PRKCE: variants seen among roughly 807,000 people sequenced by gnomAD.
The protein encoded by PRKCE is protein kinase C epsilon, also known as protein kinase C epsilon type.
A neutral mutation model predicts 85.4 loss-of-function variants in PRKCE; 16 were observed. The observed-to-expected ratio is 0.19, with a 90% CI of 0.13 to 0.28. The LOEUF (loss-of-function observed/expected upper bound fraction) is 0.28, where lower values mean the gene tolerates loss of function less well. Among genes scored for constraint, PRKCE ranks in the 10% least tolerant of loss-of-function variants. The pLI is 1.00. For missense variants in PRKCE, 573 were observed against 975.2 expected, an observed-to-expected ratio of 0.59 and a Z score of 5.49; for synonymous variants, 388 against 371.5, an observed-to-expected ratio of 1.04 and a Z score of -0.51.
chr2:46,054,717 C>T (rs1280534501), intron 10 of PRKCE, among the ~76,000 whole-genome samples: 4 of 152,168 alleles, frequency 2.6e-5, no homozygotes, highest in Admixed American at 1.3e-4. Flanking sequence ...AGCCTAATAC[C>T]GTGGCCCAAA....
At chr2:45,838,918 T>C (rs1691119677) in intron 1 of PRKCE, among the ~76,000 whole-genome samples, 1 of 152,162 alleles carries the variant, frequency 6.6e-6, no homozygotes, top group Admixed American at 6.5e-5. Context: ...GACTTGCCTT[T>C]TTCATGATAA....
At chr2:45,969,507 G>A (rs1048398058) in intron 2 of PRKCE, among the ~76,000 whole-genome samples, 1 of 152,134 alleles carries the variant, frequency 6.6e-6, no homozygotes, top group Non-Finnish European at 1.5e-5. Context: ...GCATGGATCC[G>A]GCAACTCTGG....
chr2:45,661,611 C>G (rs778701253), intron 1 of PRKCE, among the ~76,000 whole-genome samples: 1 of 145,158 alleles, frequency 6.9e-6, no homozygotes, highest in Non-Finnish European at 1.5e-5. Context: ...TCACTGCAAG[C>G]TCCGCCTCCC....
chr2:46,110,419 A>G (rs2345959), intron 11 of PRKCE, among the ~76,000 whole-genome samples: 49,110 of 151,954 alleles, frequency 0.32, 8,228 homozygotes, highest in South Asian at 0.42. Context: ...GTGAATCTTG[A>G]TAGTTTGTAT....
intron 12 of PRKCE, among the ~76,000 whole-genome samples, chr2:46,148,737 C>T (rs560942340): frequency 2.0e-4 from 31 of 152,198 alleles, no homozygotes; most frequent in African/African-American, 7.2e-4. Flanking sequence ...CTGGGGAGAC[C>T]GCTGGCCATG....
intron 10 of PRKCE, among the ~76,000 whole-genome samples, chr2:46,030,653 A>G (rs969299495): frequency 6.6e-6 from 1 of 152,194 alleles, no homozygotes; most frequent in Non-Finnish European, 1.5e-5. Context: ...GGTCTCTGAA[A>G]TTAATGTCTC....
chr2:46,003,486 A>G (rs1046712690), intron 7 of PRKCE, among the ~76,000 whole-genome samples: 3 of 152,248 alleles, frequency 2.0e-5, no homozygotes, highest in African/African-American at 7.2e-5. Context: ...TTGAGCATCT[A>G]TTATGTTTCT....
chr2:45,961,475 G>A (rs1182811410), intron 2 of PRKCE, among the ~76,000 whole-genome samples: 1 of 152,176 alleles, frequency 6.6e-6, no homozygotes. Context: ...AATGCCTATG[G>A]CACTAAAAGT....
At chr2:45,656,940 T>C (rs925083681) in intron 1 of PRKCE, among the ~76,000 whole-genome samples, 1 of 152,218 alleles carries the variant, frequency 6.6e-6, no homozygotes, top group Non-Finnish European at 1.5e-5. Flanking sequence ...ACTAGAAGTA[T>C]TGGGATTCAT....
intron 1 of PRKCE, among the ~76,000 whole-genome samples, chr2:45,695,515 A>G (rs1203863138): frequency 2.0e-5 from 3 of 152,346 alleles, no homozygotes; most frequent in East Asian, 3.9e-4. Context: ...GCTCATGCCT[A>G]TAATCCCAAC....
intron 2 of PRKCE, among the ~76,000 whole-genome samples, chr2:45,958,637 A>G (rs1361332975): frequency 6.7e-6 from 1 of 149,828 alleles, no homozygotes. Context: ...GCTCCCTGCC[A>G]TATATATTGT....
At chr2:45,797,957 C>T (rs951123718) in intron 1 of PRKCE, among the ~76,000 whole-genome samples, 5 of 152,200 alleles carry the variant, frequency 3.3e-5, no homozygotes, top group Non-Finnish European at 2.9e-5. Flanking sequence ...TTACTGAGTT[C>T]CTTCGCCAAA....
chr2:45,761,567 C>T (rs1247117640), intron 1 of PRKCE, among the ~76,000 whole-genome samples: 7 of 152,120 alleles, frequency 4.6e-5, no homozygotes, highest in Non-Finnish European at 8.8e-5. Flanking sequence ...CTCAAGCCCC[C>T]AGCCTGAGGA....
At chr2:45,700,028 G>A (rs941413055) in intron 1 of PRKCE, among the ~76,000 whole-genome samples, 1 of 152,072 alleles carries the variant, frequency 6.6e-6, no homozygotes, top group African/African-American at 2.4e-5. Flanking sequence ...GCAGTGGCCA[G>A]GCCCAGCCCA....
intron 1 of PRKCE, among the ~76,000 whole-genome samples, chr2:45,718,190 T>C (rs1680306510): frequency 6.6e-6 from 1 of 152,158 alleles, no homozygotes; most frequent in South Asian, 2.1e-4. Flanking sequence ...TCAATAGCAC[T>C]TTCCTCTCAG....
intron 10 of PRKCE, among the ~76,000 whole-genome samples, chr2:46,047,793 G>A (rs920364552): frequency 5.9e-5 from 9 of 152,118 alleles, no homozygotes; most frequent in Non-Finnish European, 1.2e-4. Context: ...TTTCAATAGG[G>A]AGGATATCTT....
chr2:46,136,873 A>G (rs1675055540), intron 11 of PRKCE, among the ~76,000 whole-genome samples: 1 of 152,194 alleles, frequency 6.6e-6, no homozygotes, highest in South Asian at 2.1e-4. Context: ...TCTCTGTTCC[A>G]CATCATTTGT....
At chr2:45,753,832 T>G (rs1262569029) in intron 1 of PRKCE, among the ~76,000 whole-genome samples, 2 of 152,174 alleles carry the variant, frequency 1.3e-5, no homozygotes, top group Non-Finnish European at 2.9e-5. Flanking sequence ...CCAGGCATCC[T>G]AACATTCCCC....
chr2:45,854,361 A>T (rs1199611623), intron 2 of PRKCE, among the ~76,000 whole-genome samples: 2 of 152,224 alleles, frequency 1.3e-5, no homozygotes, highest in Non-Finnish European at 2.9e-5. Context: ...GAAACAGGTT[A>T]CCATAGGGAG....
Sources: allele counts gnomAD v4.1 joint callset (sites outside exome capture counted in the v4.1 genomes callset), GRCh38; gene constraint gnomAD v4.1.1; transcripts MANE v1.5; gene names NCBI Gene and HGNC (gene_info 2026-07-23, HGNC 2026-07-21).